The following KCNT1 variants were observed in gnomAD, a reference collection of about 807,000 sequenced individuals.
KCNT1 encodes the protein potassium channel subfamily T member 1.
In KCNT1, 78 loss-of-function variants were observed where a neutral mutation model predicts 147.8. The ratio of observed to expected loss-of-function variants is 0.53; its 90% CI spans 0.44 to 0.64. The LOEUF (loss-of-function observed/expected upper bound fraction) is 0.64, where lower values mean the gene tolerates loss of function less well. Among genes scored for constraint, KCNT1 ranks in the 30% least tolerant of loss-of-function variants. KCNT1 has a pLI of 0.00. For synonymous variants in KCNT1, 867 were observed against 748.8 expected (o/e 1.16, Z -2.58); for missense variants, 1,419 against 1,750.3 (o/e 0.81, Z 3.38).
chr9:135,712,796 G>A (rs893904569), intron 1 of KCNT1, among the ~76,000 whole-genome samples: 1 of 152,220 alleles, frequency 6.6e-6, no homozygotes, highest in Non-Finnish European at 1.5e-5. Context: ...CTGGCTCTGT[G>A]GGGGGAACAA....
intron 15 of KCNT1, 52 bp downstream of exon 15, chr9:135,768,989 G>T: frequency 7.2e-7 from 1 of 1,381,986 alleles, no homozygotes; most frequent in South Asian, 1.2e-5. Context: ...GGGCACGTGT[G>T]CACACGTGGG....
rs1359981539 is a variant in KCNT1, at chr9:135,749,993, G to A, written c.255-105G>A. On this transcript the variant is annotated intron_variant, in intron 2 of 30. Transcript: ENST00000371757. ...GCTGGGCCCTGACTTCTCAACTCCT[G>A]CAGTTGGAAAGTTGGAAGAAGTCAG... is the stretch of plus-strand genomic sequence containing the variant. 3.5e-6 allele frequency: 3 copies of A among 863,900 alleles called. No individual in the cohort carries two copies. The Admixed American group carries it at 5.8e-5, about 17-fold the overall frequency. The allele number at this position is 863,900 out of a possible 1,614,324, so 53.5% of individuals were successfully genotyped here.
At chr9:135,778,528 T>C (rs911823534) in intron 22 of KCNT1, 33 bp downstream of exon 22, 1 of 1,600,740 alleles carries the variant, frequency 6.2e-7, no homozygotes, top group Non-Finnish European at 8.5e-7. Context: ...TCGTGGGGGC[T>C]CCACACCCAC....
At position 135,756,992 on chromosome 9, in the gene KCNT1, G is replaced by GCCCCCCCCCC. The variant is rs1564351666; in HGVS notation, c.600+62_600+63insCCCCCCCCCC. ...GTCCCCACCCTCCCCACCCTCCCCA[G>GCCCCCCCCCC]CCTCCCCCACCTCCCCCACCCTCTC... is the stretch of plus-strand genomic sequence containing the variant. On this transcript the variant is annotated intron_variant, in intron 7 of 30. Transcript: ENST00000371757. The GCCCCCCCCCC allele has an allele frequency of 7.3e-6, 5 of 688,784 alleles. No homozygotes were observed. In the Admixed American group the frequency reaches 8.8e-5, roughly 12 times the overall value. The allele number at this position is 688,784 out of a possible 1,614,324, so 42.7% of individuals were successfully genotyped here.
At chr9:135,727,552 G>T (rs1296255411) in intron 2 of KCNT1, among the ~76,000 whole-genome samples, 1 of 152,024 alleles carries the variant, frequency 6.6e-6, no homozygotes, top group Non-Finnish European at 1.5e-5. Flanking sequence ...CCTGGGAACG[G>T]GGAGGGGGAG....
intron 2 of KCNT1, among the ~76,000 whole-genome samples, chr9:135,744,927 C>T (rs964159983): frequency 1.3e-5 from 2 of 152,226 alleles, no homozygotes; most frequent in East Asian, 1.9e-4. Context: ...TGTGCCCCGT[C>T]CTCCCCACCA....
intron 13 of KCNT1, among the ~76,000 whole-genome samples, chr9:135,766,348 C>A (rs1832284349): frequency 6.8e-6 from 1 of 146,570 alleles, no homozygotes; most frequent in African/African-American, 2.6e-5. Context: ...AGTGAACCAT[C>A]TGGGATGGAT....
At chr9:135,757,411 C>T (rs771097803) in intron 9 of KCNT1, 30 bp downstream of exon 9, 3 of 1,586,230 alleles carry the variant, frequency 1.9e-6, no homozygotes, top group African/African-American at 1.3e-5. Context: ...GCAGCTGGGA[C>T]TTGGGGGGGC....
chr9:135,770,397 C>T lies in KCNT1; in HGVS notation c.1719C>T (p.Arg573=). 2.5e-6 allele frequency: 4 copies of T among 1,613,240 alleles called. No homozygotes were observed. The highest frequency in any genetic ancestry group is 3.4e-6 in the Non-Finnish European group (4 of 1,179,776). ...GCATGGGTGACAGCAAGTTCTTCCGCGAGTACGAGGGCAAGAGCTTCACCT... is the reference window on the plus strand; with the variant it reads ...GCATGGGTGACAGCAAGTTCTTCCGTGAGTACGAGGGCAAGAGCTTCACCT... ...HIRMGDSKFF[R]EYEGKSFTYA... The change falls in exon 17 of 31, where the codon CGC becomes CGT. Residue 573 remains arginine, a synonymous_variant. Transcript: ENST00000371757.
At chr9:135,775,885 G>A (rs1469282248) in intron 20 of KCNT1, among the ~76,000 whole-genome samples, 3 of 152,154 alleles carry the variant, frequency 2.0e-5, no homozygotes, top group Non-Finnish European at 4.4e-5. Context: ...TCCCGGCTGC[G>A]TCTTAGCAAC....
chr9:135,743,315 G>A (rs1830655534), intron 2 of KCNT1, among the ~76,000 whole-genome samples: 1 of 152,162 alleles, frequency 6.6e-6, no homozygotes, highest in African/African-American at 2.4e-5. Context: ...TTGAGGCCAG[G>A]GCAGCCAGGC....
In KCNT1 at chr9:135,791,972, C is replaced by A. The variant is rs1834571046; in HGVS notation, c.3588-69C>A. On this transcript the variant is annotated intron_variant, in intron 30 of 30. Transcript: ENST00000371757. ...GGCCACAGGCACCACAGTGGGGCCGCTCAGCAGAGGGCTGAGCAGGGGCTG... is the reference window on the plus strand; with the variant it reads ...GGCCACAGGCACCACAGTGGGGCCGATCAGCAGAGGGCTGAGCAGGGGCTG... 3.7e-6 allele frequency: 6 copies of A among 1,608,372 alleles called. No homozygotes were observed. The South Asian group carries it at 5.5e-5, about 15-fold the overall frequency.
intron 2 of KCNT1, among the ~76,000 whole-genome samples, chr9:135,736,270 C>T (rs1000353255): frequency 6.6e-6 from 1 of 152,162 alleles, no homozygotes; most frequent in Non-Finnish European, 1.5e-5. Context: ...GCTGGAGGGC[C>T]CTGCCCTGCC....
At chr9:135,751,246 G>T (rs1831147025) in intron 4 of KCNT1, among the ~76,000 whole-genome samples, 1 of 152,064 alleles carries the variant, frequency 6.6e-6, no homozygotes, top group Non-Finnish European at 1.5e-5. Context: ...AGCGTAGGGA[G>T]AAGGGTCCCC....
At position 135,786,428 on chromosome 9, in the gene KCNT1, C is replaced by T. The variant is rs779430817; in HGVS notation, c.3409C>T (p.Arg1137Cys). ...AAAAEWISQQ[R>C]LSLYRRSERQ... ...GGCCGCGGAGTGGATCAGCCAGCAGCGCCTCAGCCTGTACCGGCGCTCTGA... is the reference window on the plus strand; with the variant it reads ...GGCCGCGGAGTGGATCAGCCAGCAGTGCCTCAGCCTGTACCGGCGCTCTGA... The change falls in exon 29 of 31, where the codon CGC (arginine) becomes TGC (cysteine). Residue 1137 changes from arginine (R) to cysteine (C), a missense_variant. Coordinates refer to ENST00000371757, the MANE Select transcript of KCNT1 (RefSeq NM_020822.3). 14 of 1,591,172 alleles carry T rather than the reference C, an allele frequency of 8.8e-6. No individual in the cohort carries two copies. In the Admixed American group the frequency reaches 1.0e-4, roughly 12 times the overall value.
At chr9:135,784,957 C>A (rs1833926795) in intron 27 of KCNT1, 68 bp downstream of exon 27, 3 of 1,563,070 alleles carry the variant, frequency 1.9e-6, no homozygotes, top group Non-Finnish European at 2.6e-6. Flanking sequence ...GCATCCCCAC[C>A]TTCCGGGGGC....
chr9:135,707,967 G>A (rs984367848), intron 1 of KCNT1, among the ~76,000 whole-genome samples: 2 of 152,236 alleles, frequency 1.3e-5, no homozygotes, highest in African/African-American at 2.4e-5. Context: ...AAAGAGAGAC[G>A]TCACCGAGGA....
chr9:135,759,051 G>T (rs929581078), intron 10 of KCNT1, among the ~76,000 whole-genome samples: 3 of 152,218 alleles, frequency 2.0e-5, no homozygotes, highest in African/African-American at 7.2e-5. Context: ...GGGAGGGAGA[G>T]TGCCCTGCGT....
intron 2 of KCNT1, among the ~76,000 whole-genome samples, chr9:135,749,703 G>C (rs1326577235): frequency 6.6e-6 from 1 of 152,228 alleles, no homozygotes; most frequent in Non-Finnish European, 1.5e-5. Context: ...AGCACTTGCG[G>C]TGTCCTGAGC....
Sources: gnomAD v4.1 joint callset for allele counts (sites outside exome capture counted in the v4.1 genomes callset) on GRCh38, gnomAD v4.1.1 for gene constraint, MANE v1.5 for transcripts, NCBI Gene and HGNC (gene_info 2026-07-23, HGNC 2026-07-21) for gene names.